AHI1: variants seen among roughly 807,000 people sequenced by gnomAD.
AHI1 encodes the protein jouberin.
AHI1 carries 123 observed loss-of-function variants against 149.3 expected under a neutral mutation model. The ratio of observed to expected loss-of-function variants is 0.82; its 90% CI spans 0.71 to 0.96. The LOEUF (loss-of-function observed/expected upper bound fraction) is 0.96. Among genes scored for constraint, AHI1 ranks in the 40% least tolerant of loss-of-function variants. The probability of loss-of-function intolerance (pLI) is 0.00; values close to 1 mark genes in which losing one functional copy is unlikely to be tolerated. For synonymous variants in AHI1, 475 were observed against 459.8 expected, an observed-to-expected ratio of 1.03 and a Z score of -0.42; for missense variants, 1,439 against 1,422.7, an observed-to-expected ratio of 1.01 and a Z score of -0.18.
At chr6:135,300,076 G>A (rs1055375730) in intron 27 of AHI1, among the ~76,000 whole-genome samples, 1 of 152,096 alleles carries the variant, frequency 6.6e-6, no homozygotes, top group Admixed American at 6.5e-5. Context: ...TGTAATTCCA[G>A]TACTTTGGGA....
At chr6:135,313,699 C>T (rs1312203641) in intron 26 of AHI1, among the ~76,000 whole-genome samples, 1 of 152,160 alleles carries the variant, frequency 6.6e-6, no homozygotes, top group East Asian at 1.9e-4. Context: ...GTGGCACAGG[C>T]AGTGAGAACT....
Position 135,388,100 on chromosome 6 carries a change from T to C in AHI1, c.3109+6676A>G. 3.9e-6 allele frequency: 6 copies of C among 1,545,128 alleles called. No homozygotes were observed. The South Asian group carries it at 5.8e-5, about 15-fold the overall frequency. On this transcript the variant is annotated intron_variant, in intron 23 of 28. Coordinates refer to ENST00000265602, the MANE Select transcript of AHI1 (RefSeq NM_001134831.2). Reference sequence around the variant, plus strand: ...ACATTTTTGATTCTTTTTAGTACCATAAAAGACATTTAAGGGCATCTGCCT... The same window carrying C: ...ACATTTTTGATTCTTTTTAGTACCACAAAAGACATTTAAGGGCATCTGCCT...
rs201735527 is a variant in AHI1, at chr6:135,432,014, T to C, written c.2267-700A>G. On this transcript the variant is annotated intron_variant, in intron 16 of 28. Transcript: ENST00000265602. ...GACCAATTTCCTTTTTTTTTTTTTT[T>C]TGCACATTTGGATATCGTATGGCCA... Among the ~76,000 whole-genome samples, 562 of 114,916 alleles carry C rather than the reference T, an allele frequency of 4.9e-3. 2 individuals are homozygous for C. The highest frequency in any genetic ancestry group is 0.015 in the African/African-American group (543 of 35,336). 75.4% of individuals were successfully genotyped at this position (114,916 alleles called of 152,430 possible).
intron 27 of AHI1, among the ~76,000 whole-genome samples, chr6:135,299,332 T>C (rs1783559571): frequency 6.6e-6 from 1 of 152,218 alleles, no homozygotes; most frequent in South Asian, 2.1e-4. Context: ...AGAATTTTTG[T>C]ACTGGAAGAG....
At chr6:135,373,969 C>CTTTCTATATAT (rs1775454504) in intron 23 of AHI1, among the ~76,000 whole-genome samples, 1 of 151,094 alleles carries the variant, frequency 6.6e-6, no homozygotes, top group Non-Finnish European at 1.5e-5. Context: ...CTATATAGAA[C>CTTTCTATATAT]AGAGATAGAA....
intron 26 of AHI1, chr6:135,304,981 A>G (rs1784374027): frequency 6.6e-6 from 1 of 152,200 alleles, no homozygotes; most frequent in Non-Finnish European, 1.5e-5. Context: ...ACAAATATGG[A>G]GCCAACTAAG....
At chr6:135,461,613 C>G (rs151175147) in intron 8 of AHI1, among the ~76,000 whole-genome samples, 27 of 152,100 alleles carry the variant, frequency 1.8e-4, no homozygotes, top group Middle Eastern at 3.4e-3. Context: ...TTACCAAATA[C>G]GTGACTGCAA....
intron 22 of AHI1, among the ~76,000 whole-genome samples, chr6:135,396,238 A>G (rs1779194737): frequency 6.6e-6 from 1 of 151,816 alleles, no homozygotes; most frequent in South Asian, 2.1e-4. Context: ...CCAGCTTTAA[A>G]AATTCTATCA....
chr6:135,412,782 G>T (rs750699789), intron 20 of AHI1, among the ~76,000 whole-genome samples: 2 of 152,078 alleles, frequency 1.3e-5, no homozygotes, highest in Non-Finnish European at 2.9e-5. Context: ...AACATGACAT[G>T]AAAGAAATAA....
chr6:135,487,612 A>G (rs1427273671), intron 5 of AHI1, among the ~76,000 whole-genome samples: 1 of 152,196 alleles, frequency 6.6e-6, no homozygotes. Flanking sequence ...TATACAGTGT[A>G]TAATAATCAA....
intron 24 of AHI1, among the ~76,000 whole-genome samples, chr6:135,333,313 T>G (rs534105970): frequency 6.6e-6 from 1 of 152,314 alleles, no homozygotes; most frequent in South Asian, 2.1e-4. Context: ...AGCACATTAT[T>G]AAATATTAAA....
chr6:135,397,689 A>ATTC (rs1779417644), intron 22 of AHI1, among the ~76,000 whole-genome samples: 1 of 152,052 alleles, frequency 6.6e-6, no homozygotes, highest in African/African-American at 2.4e-5. Context: ...GCACAATATT[A>ATTC]AGCAAGCTGA....
intron 14 of AHI1, among the ~76,000 whole-genome samples, chr6:135,440,579 G>C (rs998229469): frequency 2.0e-5 from 3 of 152,112 alleles, no homozygotes; most frequent in Non-Finnish European, 4.4e-5. Flanking sequence ...CAAACAGAAA[G>C]TAAAGCTAAG....
chr6:135,424,528 G>T (rs1435435761), intron 20 of AHI1, among the ~76,000 whole-genome samples: 1 of 151,906 alleles, frequency 6.6e-6, no homozygotes, highest in African/African-American at 2.4e-5. Flanking sequence ...ACTAAATTTT[G>T]TATTACTGGA....
At chr6:135,419,336 G>C (rs1782823746) in intron 20 of AHI1, among the ~76,000 whole-genome samples, 1 of 151,952 alleles carries the variant, frequency 6.6e-6, no homozygotes. Context: ...TCATCACACA[G>C]AATGTTATCC....
At chr6:135,402,982 T>C (rs1483144475) in intron 22 of AHI1, among the ~76,000 whole-genome samples, 1 of 152,132 alleles carries the variant, frequency 6.6e-6, no homozygotes, top group Non-Finnish European at 1.5e-5. Flanking sequence ...CTGATATATG[T>C]TACAAATAGA....
intron 20 of AHI1, among the ~76,000 whole-genome samples, chr6:135,419,816 C>A (rs1402342920): frequency 2.6e-5 from 4 of 152,076 alleles, no homozygotes; most frequent in Non-Finnish European, 4.4e-5. Context: ...CAAAAGATTT[C>A]TCTGTAGCAT....
At chr6:135,491,290 C>A (rs76693539) in intron 4 of AHI1, among the ~76,000 whole-genome samples, 3,152 of 152,268 alleles carry the variant, frequency 0.021, 113 homozygotes, top group African/African-American at 0.071. Context: ...GGGCTCCATA[C>A]CTCCTGATCT....
intron 6 of AHI1, 47 bp from the exon 7 acceptor site, chr6:135,466,420 A>C (rs569740122): frequency 3.4e-5 from 49 of 1,459,752 alleles, no homozygotes; most frequent in Non-Finnish European, 4.1e-5. Context: ...CACATAGATT[A>C]GTTATATAAA....
Sources: gnomAD v4.1 joint callset for allele counts (sites outside exome capture counted in the v4.1 genomes callset) on GRCh38, gnomAD v4.1.1 for gene constraint, MANE v1.5 for transcripts, NCBI Gene and HGNC (gene_info 2026-07-23, HGNC 2026-07-21) for gene names.